The following TAFA2 variants were observed in gnomAD, a reference collection of about 807,000 sequenced individuals.
TAFA2 encodes chemokine-like protein TAFA-2.
A neutral mutation model predicts 18.8 loss-of-function variants in TAFA2; 7 were observed. The ratio of observed to expected loss-of-function variants is 0.37; its 90% CI spans 0.21 to 0.70. TAFA2 has a LOEUF of 0.70. Ranked by LOEUF, TAFA2 falls within the 30% of genes least tolerant of loss-of-function variation. The pLI, the probability that TAFA2 is intolerant of heterozygous loss-of-function variation, is 0.53. For missense variants in TAFA2, 122 were observed against 158.1 expected, an observed-to-expected ratio of 0.77 and a Z score of 1.23; for synonymous variants, 60 against 54.2, an observed-to-expected ratio of 1.11 and a Z score of -0.47.
At chr12:62,020,602 TTATC>T (rs1183989061) in intron 1 of TAFA2, among the ~76,000 whole-genome samples, 5 of 152,208 alleles carry the variant, frequency 3.3e-5, no homozygotes, top group Admixed American at 3.3e-4. Context: ...AAGGTGAAAA[TTATC>T]TACCTACAAA....
At position 62,122,115 on chromosome 12, in the gene TAFA2, T is replaced by G. The variant is rs184270358; in HGVS notation, c.-2+69144A>C. Among the ~76,000 whole-genome samples, 12 of 152,266 alleles carry G rather than the reference T, an allele frequency of 7.9e-5. No homozygotes were observed. In the East Asian group the frequency reaches 2.1e-3, roughly 27 times the overall value. On this transcript the variant is annotated intron_variant, in intron 1 of 4. Transcript: ENST00000416284. ...GGAGAGGATCAGGAAAAATAACTAA[T>G]CGGTACTAGGTTTAATACCTGGGTG...
chr12:62,194,864 A>G (rs77339645), upstream of TAFA2, among the ~76,000 whole-genome samples: 166 of 152,342 alleles, frequency 1.1e-3, 1 homozygote, highest in Non-Finnish European at 2.0e-3. Context: ...TGTGAAAGTT[A>G]TGTTTACACC....
chr12:62,178,569 G>T lies in TAFA2; in HGVS notation c.-2+12690C>A, dbSNP rs115090720. On this transcript the variant is annotated intron_variant, in intron 1 of 4. Transcript: ENST00000416284. ...ACACAAGATTCCCAGATTAGAGACA[G>T]AGGAGTTTATTATTCATCATACAGC... 1.7e-3 allele frequency among the ~76,000 whole-genome samples: 254 copies of T among 152,240 alleles called. 1 individual carries two copies. Among genetic ancestry groups the T allele is most frequent in the African/African-American group, 5.9e-3 (244 of 41,550 alleles).
intron 2 of TAFA2, among the ~76,000 whole-genome samples, chr12:61,859,297 G>T (rs898876183): frequency 3.9e-5 from 6 of 152,162 alleles, no homozygotes; most frequent in Admixed American, 3.9e-4. Context: ...CACCAGAAAA[G>T]CATGCGGGAA....
chr12:62,232,500 C>A (rs774811015), intron 1 of TAFA2, among the ~76,000 whole-genome samples: 5 of 152,138 alleles, frequency 3.3e-5, no homozygotes, highest in Non-Finnish European at 5.9e-5. Context: ...TCAAAATCTA[C>A]TAGAGAGTCC....
chr12:62,137,668 C>A (rs1565756973), intron 1 of TAFA2, among the ~76,000 whole-genome samples: 1 of 152,050 alleles, frequency 6.6e-6, no homozygotes, highest in East Asian at 1.9e-4. Flanking sequence ...TCCACTCCAA[C>A]CACCCTGATA....
chr12:62,184,019 A>T (rs1297054629), intron 1 of TAFA2, among the ~76,000 whole-genome samples: 2 of 152,174 alleles, frequency 1.3e-5, no homozygotes, highest in African/African-American at 4.8e-5. Flanking sequence ...TTATAAGATT[A>T]AATCTGATTC....
chr12:61,719,434 C>G (rs775738308), intron 4 of TAFA2, among the ~76,000 whole-genome samples: 2 of 152,010 alleles, frequency 1.3e-5, no homozygotes, highest in African/African-American at 4.8e-5. Context: ...TTTTGCATGC[C>G]TGACACCAAT....
intron 1 of TAFA2, among the ~76,000 whole-genome samples, chr12:61,957,352 T>G (rs1185953061): frequency 6.6e-6 from 1 of 152,122 alleles, no homozygotes; most frequent in Non-Finnish European, 1.5e-5. Context: ...GGACAGAGAT[T>G]GGGCTCAACT....
chr12:61,926,945 C>T (rs965078580), intron 1 of TAFA2, among the ~76,000 whole-genome samples: 1 of 151,674 alleles, frequency 6.6e-6, no homozygotes, highest in African/African-American at 2.4e-5. Flanking sequence ...CATGGTGGCA[C>T]ATGCCTGTAG....
chr12:61,959,515 A>G (rs1878810559), intron 1 of TAFA2, among the ~76,000 whole-genome samples: 1 of 152,018 alleles, frequency 6.6e-6, no homozygotes, highest in Admixed American at 6.6e-5. Flanking sequence ...TGGCCAACTC[A>G]CCAAATTTTC....
intron 1 of TAFA2, among the ~76,000 whole-genome samples, chr12:61,967,627 C>A (rs970296825): frequency 3.3e-5 from 5 of 151,790 alleles, no homozygotes; most frequent in African/African-American, 1.2e-4. Flanking sequence ...GAAAGTTGAA[C>A]CGACTCCTTG....
chr12:61,949,494 A>G (rs1878392121), intron 1 of TAFA2, among the ~76,000 whole-genome samples: 1 of 152,106 alleles, frequency 6.6e-6, no homozygotes, highest in Non-Finnish European at 1.5e-5. Flanking sequence ...GTCAATGGGG[A>G]TTAAAAAAGC....
chr12:61,727,350 AC>A (rs1281314781), intron 4 of TAFA2, among the ~76,000 whole-genome samples: 1 of 131,052 alleles, frequency 7.6e-6, no homozygotes, highest in Non-Finnish European at 1.7e-5. Flanking sequence ...CTGGTCCTGG[AC>A]CTTTTTTTTT....
At chr12:61,783,187 G>A (rs1354547931) in intron 2 of TAFA2, among the ~76,000 whole-genome samples, 1 of 151,498 alleles carries the variant, frequency 6.6e-6, no homozygotes, top group African/African-American at 2.4e-5. Flanking sequence ...TAAAGTGCTT[G>A]GAGCCCACAA....
At chr12:61,738,290 A>AACACACACACACACACAC (rs369001355) in intron 4 of TAFA2, among the ~76,000 whole-genome samples, 12 of 124,526 alleles carry the variant, frequency 9.6e-5, no homozygotes, top group East Asian at 2.4e-4. Context: ...TGAAAATGAA[A>AACACACACACACACACAC]ACACACACAC....
At chr12:61,975,537 G>GTGTGTGTGTGTGTGTGTGTC (rs1196638668) in intron 1 of TAFA2, among the ~76,000 whole-genome samples, 8 of 151,556 alleles carry the variant, frequency 5.3e-5, no homozygotes, top group African/African-American at 1.9e-4. Context: ...GTGTGTGTGT[G>GTGTGTGTGTGTGTGTGTGTC]TGTGTGTATC....
At chr12:61,790,979 C>G (rs1369313213) in intron 2 of TAFA2, among the ~76,000 whole-genome samples, 4 of 151,690 alleles carry the variant, frequency 2.6e-5, no homozygotes, top group South Asian at 2.1e-4. Flanking sequence ...ACGATAGTAG[C>G]CAAAATAGGA....
chr12:61,745,311 C>T (rs968793945), intron 4 of TAFA2, among the ~76,000 whole-genome samples: 1 of 152,044 alleles, frequency 6.6e-6, no homozygotes, highest in Non-Finnish European at 1.5e-5. Flanking sequence ...TGACATTACT[C>T]ATGTTGCCTT....
Sources: gnomAD v4.1 joint callset for allele counts (sites outside exome capture counted in the v4.1 genomes callset) on GRCh38, gnomAD v4.1.1 for gene constraint, MANE v1.5 for transcripts, NCBI Gene and HGNC (gene_info 2026-07-23, HGNC 2026-07-21) for gene names.